POFUT3: variants seen among roughly 807,000 people sequenced by gnomAD.
POFUT3 encodes protein O-fucosyltransferase 3.
At chr8:33,338,951 T>C in the POFUT3 span, 4 of 151,950 alleles carry the variant, frequency 2.6e-5, no homozygotes, top group East Asian at 7.7e-4. Flanking sequence ...AAATTCATGA[T>C]CAATGAAAAA....
chr8:33,461,188 A>AG, the POFUT3 span, among the ~76,000 whole-genome samples: 5 of 12,570 alleles, frequency 4.0e-4, no homozygotes, highest in African/African-American at 2.2e-3. Flanking sequence ...GAAGGAAGGA[A>AG]GGAAGGGAGG....
At chr8:33,437,297 C>T in the POFUT3 span, among the ~76,000 whole-genome samples, 1 of 151,922 alleles carries the variant, frequency 6.6e-6, no homozygotes, top group African/African-American at 2.4e-5. Context: ...TTCCCTAGCA[C>T]TGTACCCATA....
chr8:33,336,555 G>A, the POFUT3 span, among the ~76,000 whole-genome samples: 1 of 152,138 alleles, frequency 6.6e-6, no homozygotes, highest in Admixed American at 6.6e-5. Flanking sequence ...GCCAGTTCCA[G>A]GAAACCACTG....
the POFUT3 span, among the ~76,000 whole-genome samples, chr8:33,353,552 G>GA: frequency 6.6e-6 from 1 of 152,128 alleles, no homozygotes; most frequent in East Asian, 1.9e-4. Flanking sequence ...TTTTCTCCTT[G>GA]TTTTTCGTGC....
At chr8:33,407,814 G>C in the POFUT3 span, among the ~76,000 whole-genome samples, 1 of 151,740 alleles carries the variant, frequency 6.6e-6, no homozygotes, top group African/African-American at 2.4e-5. Flanking sequence ...ACCAGCCTGG[G>C]CAACATGGTG....
the POFUT3 span, chr8:33,372,880 C>T: frequency 7.5e-7 from 1 of 1,341,526 alleles, no homozygotes. Flanking sequence ...AACAGACTTT[C>T]CTTAAAACAA....
the POFUT3 span, chr8:33,372,189 C>T: frequency 3.2e-3 from 3,160 of 996,536 alleles, 66 homozygotes; most frequent in African/African-American, 0.052. Context: ...TGCAGGATAC[C>T]AGGTTTGCCA....
At chr8:33,450,129 C>T in the POFUT3 span, among the ~76,000 whole-genome samples, 9 of 151,902 alleles carry the variant, frequency 5.9e-5, no homozygotes, top group Admixed American at 6.6e-5. Context: ...TTAGTAGAGA[C>T]GGGGTTTCAC....
At chr8:33,434,162 G>C in the POFUT3 span, among the ~76,000 whole-genome samples, 1 of 152,020 alleles carries the variant, frequency 6.6e-6, no homozygotes, top group Admixed American at 6.6e-5. Flanking sequence ...TCGGGAGGCT[G>C]AGGCAGGAGA....
the POFUT3 span, among the ~76,000 whole-genome samples, chr8:33,321,958 T>G: frequency 6.6e-6 from 1 of 152,130 alleles, no homozygotes; most frequent in African/African-American, 2.4e-5. Context: ...TATGTCTCCA[T>G]GACTAGTTGC....
the POFUT3 span, among the ~76,000 whole-genome samples, chr8:33,447,435 C>A: frequency 6.9e-6 from 1 of 144,870 alleles, no homozygotes; most frequent in African/African-American, 2.6e-5. Flanking sequence ...GGCGACAGGG[C>A]AAGACTCCAT....
chr8:33,378,199 G>C, the POFUT3 span, among the ~76,000 whole-genome samples: 1 of 152,082 alleles, frequency 6.6e-6, no homozygotes, highest in East Asian at 1.9e-4. Flanking sequence ...CCTCTGCTAG[G>C]GGAATTCAGG....
the POFUT3 span, among the ~76,000 whole-genome samples, chr8:33,429,082 C>T: frequency 6.6e-6 from 1 of 152,182 alleles, no homozygotes; most frequent in Non-Finnish European, 1.5e-5. Context: ...GTGTACTTTA[C>T]ATGAATTATA....
At chr8:33,389,479 G>T in the POFUT3 span, 8 of 1,614,074 alleles carry the variant, frequency 5.0e-6, no homozygotes, top group Non-Finnish European at 6.8e-6. Context: ...TCATCAGCTC[G>T]CGAACATAGC....
the POFUT3 span, among the ~76,000 whole-genome samples, chr8:33,370,209 T>G: frequency 1.6e-5 from 2 of 127,378 alleles, no homozygotes; most frequent in East Asian, 2.7e-4. Flanking sequence ...AAAAAAATTG[T>G]CCAGGCCTGG....
chr8:33,344,254 A>T, the POFUT3 span, among the ~76,000 whole-genome samples: 3 of 152,326 alleles, frequency 2.0e-5, no homozygotes, highest in African/African-American at 7.2e-5. Flanking sequence ...AAAGAGGGAA[A>T]GAAGCCAGCT....
chr8:33,412,681 G>T, the POFUT3 span, among the ~76,000 whole-genome samples: 1 of 152,206 alleles, frequency 6.6e-6, no homozygotes, highest in Non-Finnish European at 1.5e-5. Flanking sequence ...AGGCTGGAGT[G>T]CAGTGGCACA....
At chr8:33,378,177 G>A in the POFUT3 span, among the ~76,000 whole-genome samples, 2 of 152,158 alleles carry the variant, frequency 1.3e-5, no homozygotes, top group African/African-American at 4.8e-5. Context: ...GCACAGCGTG[G>A]TGGATGATCT....
chr8:33,424,631 C>T, the POFUT3 span, among the ~76,000 whole-genome samples: 2 of 152,202 alleles, frequency 1.3e-5, no homozygotes, highest in Admixed American at 6.5e-5. Flanking sequence ...TTCCAGCTAA[C>T]TCCCTTTCAC....
Sources: gnomAD v4.1 joint callset for allele counts (sites outside exome capture counted in the v4.1 genomes callset) on GRCh38, gnomAD v4.1.1 for gene constraint, MANE v1.5 for transcripts, NCBI Gene and HGNC (gene_info 2026-07-23, HGNC 2026-07-21) for gene names.